Variants in TACC1 observed in about 807,000 individuals in gnomAD.
TACC1 encodes transforming acidic coiled-coil containing protein 1.
TACC1 carries 48 observed loss-of-function variants against 84.4 expected under a neutral mutation model. The ratio of observed to expected loss-of-function variants is 0.57; its 90% CI spans 0.45 to 0.72. The LOEUF (loss-of-function observed/expected upper bound fraction) is 0.72. TACC1 is among the 30% of genes least tolerant of loss of function. TACC1 has a pLI of 0.00. For synonymous variants in TACC1, 372 were observed against 376.3 expected (o/e 0.99, Z 0.13); for missense variants, 920 against 973.0 (o/e 0.95, Z 0.72).
intron 1 of TACC1, among the ~76,000 whole-genome samples, chr8:38,737,389 G>A (rs1341338176): frequency 6.6e-6 from 1 of 152,226 alleles, no homozygotes; most frequent in African/African-American, 2.4e-5. Context: ...TTCGCTCAGT[G>A]CCACTCACAG....
intron 2 of TACC1, among the ~76,000 whole-genome samples, chr8:38,813,970 C>A (rs1332788838): frequency 3.9e-5 from 6 of 152,266 alleles, no homozygotes; most frequent in African/African-American, 1.4e-4. Flanking sequence ...TCCTCAGGTA[C>A]CTCCATTCTC....
At position 38,787,750 on chromosome 8, in the gene TACC1, A is replaced by C; in HGVS notation, c.161+7A>C. 6.6e-7 allele frequency: 1 copy of C among 1,523,882 alleles called. No individual in the cohort carries two copies. Among genetic ancestry groups the C allele is most frequent in the Non-Finnish European group, 8.7e-7 (1 of 1,144,372 alleles). 94.4% of individuals were successfully genotyped at this position (1,523,882 alleles called of 1,614,324 possible). A position where few individuals can be genotyped will look rare whatever the true frequency, so the allele number is the denominator to read the frequency against. Reference sequence around the variant, plus strand: ...CCAAATCCTTGAGTTTCAGGCAAGTACACGGCGTCCCCGCTGAGATGCAGA... The same window carrying C: ...CCAAATCCTTGAGTTTCAGGCAAGTCCACGGCGTCCCCGCTGAGATGCAGA... On this transcript the variant is annotated splice_region_variant and intron_variant, in intron 1 of 12. Transcript: ENST00000317827.
Position 38,846,687 on chromosome 8 carries a change from C to T in TACC1, c.2229-12C>T, listed in dbSNP as rs755363133. 3 of 1,613,608 alleles carry T rather than the reference C, an allele frequency of 1.9e-6. No homozygotes were observed. In the African/African-American group the frequency reaches 4.0e-5, roughly 22 times the overall value. On this transcript the variant is annotated splice_polypyrimidine_tract_variant and intron_variant, in intron 11 of 12. Coordinates refer to ENST00000317827, the MANE Select transcript of TACC1 (RefSeq NM_006283.3). ...TTTTTGTCTCTTTATTACACCCAAA[C>T]ACCATAAACAGAGCCAATGAAGAGA...
chr8:38,782,346 G>T (rs567870967), upstream of TACC1, among the ~76,000 whole-genome samples: 10 of 152,240 alleles, frequency 6.6e-5, no homozygotes, highest in East Asian at 1.9e-3. Context: ...CAAAGGATAT[G>T]AACTCATCAT....
chr8:38,772,434 G>A (rs778952190), intron 3 of TACC1, among the ~76,000 whole-genome samples: 61 of 152,228 alleles, frequency 4.0e-4, no homozygotes, highest in Non-Finnish European at 8.1e-4. Context: ...TGCTCATCAC[G>A]GTTTCATTTA....
At chr8:38,746,196 GA>G (rs1274822535) in intron 3 of TACC1, among the ~76,000 whole-genome samples, 1 of 151,986 alleles carries the variant, frequency 6.6e-6, no homozygotes, top group East Asian at 1.9e-4. Flanking sequence ...TAAAAATTAA[GA>G]AAAAAAGCTT....
chr8:38,852,037 C>T lies in TACC1; in HGVS notation c.*4014C>T, dbSNP rs139578199. 984 of 451,300 alleles carry T rather than the reference C, an allele frequency of 2.2e-3. 10 individuals are homozygous for T. Among genetic ancestry groups the T allele is most frequent in the African/African-American group, 0.018 (890 of 49,914 alleles). The allele number at this position is 451,300 out of a possible 1,614,324, so 28.0% of individuals were successfully genotyped here. ...AGAAACTGATGTAACAGACTCTCCT[C>T]TCAAAGGATCTCCTCTGGAAGAGAC... On this transcript the variant is annotated 3_prime_UTR_variant, in exon 13 of 13. Coordinates refer to ENST00000317827, the MANE Select transcript of TACC1 (RefSeq NM_006283.3).
chr8:38,787,150 G>A, upstream of TACC1: 5 of 984,224 alleles, frequency 5.1e-6, no homozygotes, highest in East Asian at 1.1e-4. Flanking sequence ...CCCCGCGCGC[G>A]CGCGCGAGTA....
chr8:38,831,867 C>T (rs550805502), intron 6 of TACC1, among the ~76,000 whole-genome samples: 7 of 150,768 alleles, frequency 4.6e-5, no homozygotes, highest in African/African-American at 9.8e-5. Context: ...AGTACAGTGA[C>T]GCAATCTCGG....
chr8:38,771,629 G>T (rs1482990223), intron 3 of TACC1, among the ~76,000 whole-genome samples: 1 of 152,212 alleles, frequency 6.6e-6, no homozygotes, highest in East Asian at 1.9e-4. Context: ...GTGCGCATGG[G>T]TGTCACCTGG....
intron 2 of TACC1, among the ~76,000 whole-genome samples, chr8:38,815,266 C>G (rs1169260885): frequency 6.6e-6 from 1 of 152,186 alleles, no homozygotes; most frequent in African/African-American, 2.4e-5. Context: ...GTATTAAGTT[C>G]CTAGAACGCC....
chr8:38,818,612 G>A (rs570473744), intron 2 of TACC1, among the ~76,000 whole-genome samples: 2 of 152,152 alleles, frequency 1.3e-5, no homozygotes, highest in African/African-American at 4.8e-5. Context: ...TAAAATAAGG[G>A]CTATTTGTTT....
At chr8:38,838,431 G>C (rs931450358) in intron 7 of TACC1, 39 bp from the exon 8 acceptor site, 1 of 1,492,242 alleles carries the variant, frequency 6.7e-7, no homozygotes, top group Admixed American at 1.7e-5. Flanking sequence ...AATGCAAATT[G>C]TAATAGATTG....
intron 2 of TACC1, among the ~76,000 whole-genome samples, chr8:38,789,242 C>T (rs1380846808): frequency 1.3e-5 from 2 of 152,146 alleles, no homozygotes; most frequent in African/African-American, 2.4e-5. Context: ...TTCGGAATCA[C>T]TCACCTCGCC....
upstream of TACC1, among the ~76,000 whole-genome samples, chr8:38,784,345 C>G (rs190044235): frequency 2.3e-4 from 35 of 152,230 alleles, no homozygotes; most frequent in Admixed American, 9.8e-4. Flanking sequence ...GTGGGTGGAT[C>G]ACCTGAGGTC....
rs932666309 is a variant in TACC1, at chr8:38,849,906, T to G, written c.*1883T>G. Reference sequence around the variant, plus strand: ...CTCCCCTTGGTATAACTGATTTCCTTTTTAGTCCTCTACTGCTAAATAAGT... The same window carrying G: ...CTCCCCTTGGTATAACTGATTTCCTGTTTAGTCCTCTACTGCTAAATAAGT... On this transcript the variant is annotated 3_prime_UTR_variant, in exon 13 of 13. Transcript: ENST00000317827. 2 of 152,632 alleles carry G rather than the reference T, an allele frequency of 1.3e-5. No homozygotes were observed. Among genetic ancestry groups the G allele is most frequent in the Non-Finnish European group, 2.9e-5 (2 of 68,030 alleles). 9.5% of individuals were successfully genotyped at this position (152,632 alleles called of 1,614,324 possible). A position where few individuals can be genotyped will look rare whatever the true frequency, so the allele number is the denominator to read the frequency against.
intron 3 of TACC1, among the ~76,000 whole-genome samples, chr8:38,768,753 G>T (rs1372649077): frequency 6.6e-6 from 1 of 152,002 alleles, no homozygotes; most frequent in African/African-American, 2.4e-5. Flanking sequence ...AACTGTGTGT[G>T]GGAGGTATGT....
At chr8:38,820,661 C>T (rs766513682) in intron 3 of TACC1, 26 bp downstream of exon 3, 16 of 1,582,950 alleles carry the variant, frequency 1.0e-5, no homozygotes, top group South Asian at 8.0e-5. Flanking sequence ...CGCTGGGTGT[C>T]GTGCTCTGTG....
At chr8:38,783,100 ATCT>A (rs770810484), upstream of TACC1, among the ~76,000 whole-genome samples, 1 of 105,596 alleles carries the variant, frequency 9.5e-6, no homozygotes, top group African/African-American at 4.1e-5. Context: ...CTATCTATCT[ATCT>A]ATCTATATAT....
Sources: gnomAD v4.1 joint callset for allele counts (sites outside exome capture counted in the v4.1 genomes callset) on GRCh38, gnomAD v4.1.1 for gene constraint, MANE v1.5 for transcripts, NCBI Gene and HGNC (gene_info 2026-07-23, HGNC 2026-07-21) for gene names.